MARK1: variants seen among roughly 807,000 people sequenced by gnomAD.
The protein encoded by MARK1 is serine/threonine-protein kinase MARK1.
MARK1 carries 40 observed loss-of-function variants against 96.3 expected under a neutral mutation model. The ratio of observed to expected loss-of-function variants is 0.42; its 90% confidence interval spans 0.32 to 0.54. The LOEUF (loss-of-function observed/expected upper bound fraction) is 0.54, where lower values mean the gene tolerates loss of function less well. MARK1 is among the 20% of genes least tolerant of loss of function. The pLI is 0.16. For synonymous variants in MARK1, 317 were observed against 341.2 expected, an observed-to-expected ratio of 0.93 and a Z score of 0.78; for missense variants, 719 against 984.6, an observed-to-expected ratio of 0.73 and a Z score of 3.61.
At chr1:220,577,876 G>A (rs956309633) in intron 1 of MARK1, among the ~76,000 whole-genome samples, 1 of 152,174 alleles carries the variant, frequency 6.6e-6, no homozygotes, top group Non-Finnish European at 1.5e-5. Flanking sequence ...ACCCCAAAGC[G>A]CATCCAACAC....
chr1:220,610,547 T>G (rs1666382748), intron 6 of MARK1, among the ~76,000 whole-genome samples: 1 of 152,206 alleles, frequency 6.6e-6, no homozygotes. Context: ...TGAAGCCTAC[T>G]TCTGTCAACT....
rs369895047 is a variant in MARK1, at chr1:220,558,783, A to G, written c.52-20571A>G. 1.3e-4 allele frequency among the ~76,000 whole-genome samples: 20 copies of G among 152,248 alleles called. No homozygotes were observed. The East Asian group carries it at 1.5e-3, about 12-fold the overall frequency. On this transcript the variant is annotated intron_variant, in intron 1 of 17. Transcript: ENST00000366917. ...TAATGATAAAACTATAGAAATAAGA[A>G]TAAGCAAAACTTGAACAAGCAAAAT...
At chr1:220,586,011 A>ACACACACACG (rs112968910) in intron 3 of MARK1, among the ~76,000 whole-genome samples, 1 of 148,536 alleles carries the variant, frequency 6.7e-6, no homozygotes, top group South Asian at 2.1e-4. Flanking sequence ...ACACACACAC[A>ACACACACACG]CGCGCGCGTG....
At position 220,615,971 on chromosome 1, in the gene MARK1, G is replaced by C. The variant is rs200049002; in HGVS notation, c.528G>C (p.Lys176Asn). ...CTGCTGTACAGTATTGTCATCAAAA[G>C]TACATTGTTCACCGTGATCTTAAGG... ...IVSAVQYCHQKYIVHRDLKAE... is the reference protein window; with the variant it reads ...IVSAVQYCHQNYIVHRDLKAE... Residue 176 changes from lysine (K) to asparagine (N), a missense_variant, in exon 7 of 18, where the codon AAG (lysine) becomes AAC (asparagine). This residue lies in a region of MARK1 where 96 missense variants were observed against 213.1 expected (regional missense o/e 0.45). Transcript: ENST00000366917. The C allele has an allele frequency of 3.8e-6, 6 of 1,558,674 alleles. No individual in the cohort carries two copies. In the Middle Eastern group the frequency reaches 5.1e-4, roughly 131 times the overall value.
intron 13 of MARK1, among the ~76,000 whole-genome samples, chr1:220,643,428 A>T (rs563149833): frequency 2.0e-5 from 3 of 152,142 alleles, no homozygotes; most frequent in Non-Finnish European, 4.4e-5. Flanking sequence ...TCCAAGAAAC[A>T]TGGGACTATG....
Position 220,662,735 on chromosome 1 carries a change from C to G in MARK1, c.*569C>G, listed in dbSNP as rs1180801997. ...AAAATTATTACTGCTTATCTTTGCT[C>G]TTTTCCTTGTTATCCCGCAAGGTTT... is the stretch of plus-strand genomic sequence containing the variant. On this transcript the variant is annotated 3_prime_UTR_variant, in exon 18 of 18. Transcript: ENST00000366917. 6.5e-6 allele frequency: 1 copy of G among 152,818 alleles called. No homozygotes were observed. The highest frequency in any genetic ancestry group is 1.9e-4 in the East Asian group (1 of 5,198). The allele number at this position is 152,818 out of a possible 1,614,324, so 9.5% of individuals were successfully genotyped here.
At chr1:220,650,797 G>A (rs1572236459) in intron 14 of MARK1, 77 bp downstream of exon 14, 6 of 977,262 alleles carry the variant, frequency 6.1e-6, no homozygotes, top group Admixed American at 1.9e-5. Flanking sequence ...GCCTGCAGCC[G>A]AATGGGTCAG....
intron 9 of MARK1, chr1:220,626,834 A>AAG: frequency 2.7e-6 from 1 of 367,240 alleles, no homozygotes. Flanking sequence ...AAAAAAAAAA[A>AAG]GGGTTGAGGG....
chr1:220,621,834 CTTAT>C (rs1428372225), intron 9 of MARK1, among the ~76,000 whole-genome samples: 1 of 152,044 alleles, frequency 6.6e-6, no homozygotes, highest in Admixed American at 6.6e-5. Context: ...TTGTTTCAAA[CTTAT>C]TTAACTTACC....
intron 1 of MARK1, among the ~76,000 whole-genome samples, chr1:220,529,745 A>G (rs1052094874): frequency 2.0e-5 from 3 of 152,046 alleles, no homozygotes; most frequent in Non-Finnish European, 4.4e-5. Flanking sequence ...AAAGAACAAG[A>G]TCCCTTGTAT....
chr1:220,661,988 G>T lies in MARK1; in HGVS notation c.2210G>T (p.Arg737Ile), dbSNP rs1310433919. 6.2e-7 allele frequency: 1 copy of T among 1,614,230 alleles called. No individual in the cohort carries two copies. The highest frequency in any genetic ancestry group is 8.5e-7 in the Non-Finnish European group (1 of 1,180,040). Residue 737 changes from arginine to isoleucine, a missense_variant, in exon 18 of 18, where the codon AGA becomes ATA. Arg to Ile is a moderately conservative substitution (Grantham distance 97). Transcript: ENST00000366917. ...AACTGTGATTATGAGCAAAAAGAGA[G>T]ATTTTTGCTTTTCTGTGTCCATGGA... ...ANNCDYEQKERFLLFCVHGDA... is the reference protein window; with the variant it reads ...ANNCDYEQKEIFLLFCVHGDA...
chr1:220,593,675 C>G (rs1665139602), intron 3 of MARK1, among the ~76,000 whole-genome samples: 1 of 152,092 alleles, frequency 6.6e-6, no homozygotes, highest in Admixed American at 6.6e-5. Flanking sequence ...TTGGGGTTCT[C>G]AGGGAGGTGA....
intron 11 of MARK1, 48 bp from the exon 12 acceptor site, chr1:220,635,324 CTTTT>C (rs71794752): frequency 6.1e-3 from 6,963 of 1,141,838 alleles, no homozygotes; most frequent in South Asian, 0.011. Flanking sequence ...TTTGTGCAAA[CTTTT>C]TTTTTTTTTT....
chr1:220,609,859 AG>A (rs1446390949), intron 6 of MARK1, among the ~76,000 whole-genome samples: 3 of 151,794 alleles, frequency 2.0e-5, no homozygotes, highest in Non-Finnish European at 2.9e-5. Context: ...AAATTCTTTA[AG>A]AATGTTGAAT....
In MARK1 at chr1:220,657,598, C is replaced by T. The variant is rs894313129; in HGVS notation, c.1989-192C>T. Among the ~76,000 whole-genome samples, 11 of 152,132 alleles carry T rather than the reference C, an allele frequency of 7.2e-5. No individual in the cohort carries two copies. In the South Asian group the frequency reaches 8.3e-4, roughly 11 times the overall value. ...TTGCCTCTTGACAAAAATGAGTAGA[C>T]GCTCAATAAATGATAAATTACATGC... is the stretch of plus-strand genomic sequence containing the variant. On this transcript the variant is annotated intron_variant, in intron 16 of 17. Transcript: ENST00000366917.
chr1:220,646,203 T>G (rs1186578347), intron 13 of MARK1, among the ~76,000 whole-genome samples: 1 of 152,120 alleles, frequency 6.6e-6, no homozygotes, highest in East Asian at 1.9e-4. Flanking sequence ...TAAGCAACTA[T>G]ATCAAAGTCT....
At position 220,593,254 on chromosome 1, in the gene MARK1, A is replaced by C. The variant is rs1665116156; in HGVS notation, c.310-5077A>C. Reference sequence around the variant, plus strand: ...TGGGGAACACTATTTTTAAAAAATTATGTTCAATTTTTAAAATTACCTCAG... The same window carrying C: ...TGGGGAACACTATTTTTAAAAAATTCTGTTCAATTTTTAAAATTACCTCAG... On this transcript the variant is annotated intron_variant, in intron 3 of 17. Transcript: ENST00000366917. Among the ~76,000 whole-genome samples, 5 of 152,150 alleles carry C rather than the reference A, an allele frequency of 3.3e-5. No individual in the cohort carries two copies. In the South Asian group the frequency reaches 1.0e-3, roughly 32 times the overall value.
At chr1:220,637,773 G>T (rs781448768) in intron 13 of MARK1, among the ~76,000 whole-genome samples, 45 of 144,408 alleles carry the variant, frequency 3.1e-4, no homozygotes, top group Non-Finnish European at 6.2e-4. Context: ...TAAGAACAAA[G>T]AATTAAAACC....
Position 220,650,616 on chromosome 1 carries a change from G to T in MARK1, c.1471-4G>T. On this transcript the variant is annotated splice_polypyrimidine_tract_variant and splice_region_variant and intron_variant, in intron 13 of 17. Coordinates refer to ENST00000366917, the MANE Select transcript of MARK1 (RefSeq NM_018650.5). ...TTTTAATTGCCTTTTTTTTATTCTT[G>T]AAGAACAATGTGTATTCTGGAGGTA... 1.3e-6 allele frequency: 2 copies of T among 1,561,338 alleles called. No individual in the cohort carries two copies. Among genetic ancestry groups the T allele is most frequent in the Non-Finnish European group, 1.8e-6 (2 of 1,141,784 alleles).
Sources: allele counts gnomAD v4.1 joint callset (sites outside exome capture counted in the v4.1 genomes callset), GRCh38; gene constraint gnomAD v4.1.1; regional missense constraint gnomAD v4.1.1; transcripts MANE v1.5; gene names NCBI Gene and HGNC (gene_info 2026-07-23, HGNC 2026-07-21).